Variants in SLFN12L observed in about 807,000 individuals in gnomAD.
SLFN12L encodes the protein schlafen family member 12-like.
In SLFN12L, 34 loss-of-function variants were observed where a neutral mutation model predicts 34.8. The ratio of observed to expected loss-of-function variants is 0.98; its 90% CI spans 0.74 to 1.30. The LOEUF (loss-of-function observed/expected upper bound fraction) is 1.30. Ranked by LOEUF, SLFN12L falls within the 50% of genes most tolerant of loss-of-function variation. SLFN12L has a pLI of 0.00. For synonymous variants in SLFN12L, 259 were observed against 247.5 expected (o/e 1.05, Z -0.44); for missense variants, 703 against 696.2 (o/e 1.01, Z -0.11).
Position 35,535,636 on chromosome 17 carries a change from G to A in SLFN12L, c.-606+1937C>T, listed in dbSNP as rs375930142. ...CAAGTAGCTGGGACTACAGGTGTAC[G>A]CCACCATGCCTGGCTAGCTTTTTTT... On this transcript the variant is annotated intron_variant, in intron 1 of 4. Coordinates refer to ENST00000628453, the MANE Select transcript of SLFN12L (RefSeq NM_001363830.2). 2.3e-4 allele frequency among the ~76,000 whole-genome samples: 35 copies of A among 151,870 alleles called. No individual in the cohort carries two copies. In the East Asian group the frequency reaches 5.6e-3, roughly 24 times the overall value.
intron 2 of SLFN12L, 68 bp downstream of exon 2, chr17:35,522,211 G>A (rs1402610391): frequency 1.2e-5 from 19 of 1,586,746 alleles, no homozygotes; most frequent in Non-Finnish European, 1.3e-5. Context: ...CAAGGGACAA[G>A]GTGACTTAGC....
chr17:35,520,912 T>C (rs1380990975), intron 2 of SLFN12L, among the ~76,000 whole-genome samples: 1 of 152,168 alleles, frequency 6.6e-6, no homozygotes, highest in Admixed American at 6.5e-5. Flanking sequence ...CAAATCCCTG[T>C]TCCATCCTCC....
At position 35,498,708 on chromosome 17, in the gene SLFN12L, G is replaced by A. The variant is rs1050462403; in HGVS notation, c.87-18513C>T. 3 of 1,548,696 alleles carry A rather than the reference G, an allele frequency of 1.9e-6. No homozygotes were observed. The African/African-American group carries it at 4.1e-5, about 21-fold the overall frequency. On this transcript the variant is annotated intron_variant, in intron 2 of 4. Transcript: ENST00000628453. ...AGCATTCCTAGATAACAATTACGTGGTCCATCTCCAAGAAGACAGCTACAA... is the reference window on the plus strand; with the variant it reads ...AGCATTCCTAGATAACAATTACGTGATCCATCTCCAAGAAGACAGCTACAA...
At chr17:35,502,416 G>GAAAAAAAAAAAAA (rs1161388791) in intron 2 of SLFN12L, among the ~76,000 whole-genome samples, 1 of 25,250 alleles carries the variant, frequency 4.0e-5, no homozygotes, top group Non-Finnish European at 8.9e-5. Context: ...GTATCCTAAG[G>GAAAAAAAAAAAAA]AAAAAAAAAA....
intron 4 of SLFN12L, 119 bp from the exon 5 acceptor site, chr17:35,475,604 A>G: frequency 7.0e-7 from 1 of 1,421,164 alleles, no homozygotes; most frequent in African/African-American, 1.4e-5. Context: ...AAAGCTATGT[A>G]AAAGTGTATC....
chr17:35,536,025 T>C (rs2072458935), intron 1 of SLFN12L, among the ~76,000 whole-genome samples: 1 of 151,730 alleles, frequency 6.6e-6, no homozygotes, highest in African/African-American at 2.4e-5. Context: ...TGCTATGTTA[T>C]CCAGGCTGTT....
At position 35,523,492 on chromosome 17, in the gene SLFN12L, G is replaced by A. The variant is rs140640099; in HGVS notation, c.-605-523C>T. ...AATTTTCTTCAGTCCTCAACTAGGA[G>A]ACCCTTGAAGCTATCTCTCCTGAAG... On this transcript the variant is annotated intron_variant, in intron 1 of 4. Transcript: ENST00000628453. Among the ~76,000 whole-genome samples, 774 of 152,240 alleles carry A rather than the reference G, an allele frequency of 5.1e-3. 7 individuals are homozygous for A. Among genetic ancestry groups the A allele is most frequent in the African/African-American group, 0.017 (711 of 41,546 alleles).
Position 35,475,458 on chromosome 17 carries a change from G to C in SLFN12L, c.1304C>G (p.Pro435Arg). 1 of 1,610,176 alleles carries C rather than the reference G, an allele frequency of 6.2e-7. No individual in the cohort carries two copies. Among genetic ancestry groups the C allele is most frequent in the Non-Finnish European group, 8.5e-7 (1 of 1,178,602 alleles). Residue 435 changes from proline (P) to arginine (R), a missense_variant, in exon 5 of 5, where the codon CCA becomes CGA. Transcript: ENST00000628453. ...GAACAGATTTCTGCAGAAGGTTTTT[G>C]GAGCACAAGTTATCTTTTCTGATAG... ...PGLSEKITCA[P>R]KTFCRNLFSQ...
At chr17:35,536,103 G>A (rs2072459502) in intron 1 of SLFN12L, among the ~76,000 whole-genome samples, 1 of 152,172 alleles carries the variant, frequency 6.6e-6, no homozygotes, top group South Asian at 2.1e-4. Flanking sequence ...ACAGGCATGA[G>A]CAACCACATC....
rs1207431800 is a variant in SLFN12L, at chr17:35,479,856, AC to A, written c.425del (p.Gly142ValfsTer8). Reference sequence around the variant, plus strand: ...ATTTCACAAAAATGTGAAAGTAGTTACCATTCTGCATGAAGTCCAGGAAATT... The same window carrying A: ...ATTTCACAAAAATGTGAAAGTAGTTACATTCTGCATGAAGTCCAGGAAATT... ...VPNFLDFMQN[G>X]NYFHIFVKSW... On this transcript the variant is annotated frameshift_variant, in exon 3 of 5. Coordinates refer to ENST00000628453, the MANE Select transcript of SLFN12L (RefSeq NM_001363830.2). LOFTEE classifies it high-confidence loss of function. The A allele has an allele frequency of 6.2e-7, 1 of 1,607,136 alleles. No homozygotes were observed. Among genetic ancestry groups the A allele is most frequent in the Non-Finnish European group, 8.5e-7 (1 of 1,176,054 alleles).
rs186004217 is a variant in SLFN12L at position 35,492,719 on chromosome 17, G to C, written c.87-12524C>G. On this transcript the variant is annotated intron_variant, in intron 2 of 4. Transcript: ENST00000628453. ...TTTGTGTCAGCTGCAAATCCTACCA[G>C]TTATGTCCAAGAATGGCTTTCCCTC... 2.5e-4 allele frequency among the ~76,000 whole-genome samples: 38 copies of C among 152,294 alleles called. 1 individual carries two copies. Among genetic ancestry groups the C allele is most frequent in the Admixed American group, 2.2e-3 (34 of 15,308 alleles).
chr17:35,483,379 C>A (rs1016875469), intron 2 of SLFN12L, among the ~76,000 whole-genome samples: 3 of 152,282 alleles, frequency 2.0e-5, no homozygotes, highest in Middle Eastern at 3.4e-3. Flanking sequence ...AAAGGTGCCG[C>A]CAGCCACAGA....
intron 2 of SLFN12L, among the ~76,000 whole-genome samples, chr17:35,509,356 A>G (rs947088453): frequency 2.6e-5 from 4 of 152,232 alleles, no homozygotes; most frequent in Admixed American, 2.6e-4. Flanking sequence ...ACCATTGTTC[A>G]TATTGAAAGT....
intron 2 of SLFN12L, among the ~76,000 whole-genome samples, chr17:35,485,584 T>C (rs1216660269): frequency 1.3e-5 from 2 of 152,230 alleles, no homozygotes; most frequent in Non-Finnish European, 2.9e-5. Context: ...TAATAATTTA[T>C]TTGCCCAGGG....
At chr17:35,487,646 G>A (rs966823527) in intron 2 of SLFN12L, 87 of 1,427,818 alleles carry the variant, frequency 6.1e-5, no homozygotes, top group Non-Finnish European at 7.7e-5. Flanking sequence ...GAGGGATCAC[G>A]GAGAAGTTCT....
In SLFN12L at chr17:35,475,441, T is replaced by A. The variant is rs753782124; in HGVS notation, c.1321A>T (p.Asn441Tyr). 6.2e-7 allele frequency: 1 copy of A among 1,613,174 alleles called. No homozygotes were observed. The highest frequency in any genetic ancestry group is 8.5e-7 in the Non-Finnish European group (1 of 1,179,708). Residue 441 changes from asparagine to tyrosine, a missense_variant, in exon 5 of 5, where the codon AAT becomes TAT. Transcript: ENST00000628453. ...ITCAPKTFCR[N>Y]LFSQHEGLKQ... ...AGTCCTTCATGTTGTGAGAACAGAT[T>A]TCTGCAGAAGGTTTTTGGAGCACAA...
chr17:35,530,423 AAGGAAG>A (rs2072386489), intron 1 of SLFN12L, among the ~76,000 whole-genome samples: 1 of 16,750 alleles, frequency 6.0e-5, no homozygotes, highest in African/African-American at 1.8e-4. Flanking sequence ...GGAAGGAAGG[AAGGAAG>A]GGAAGGGAAG....
At position 35,479,911 on chromosome 17, in the gene SLFN12L, G is replaced by C. The variant is rs555535892; in HGVS notation, c.371C>G (p.Ser124Cys). ...AACAAATGGCAGCATGTTACTAAAAGAATTTTCCAAATCTAGCCCTATTCC... is the reference window on the plus strand; with the variant it reads ...AACAAATGGCAGCATGTTACTAAAACAATTTTCCAAATCTAGCCCTATTCC... ...KDGIGLDLEN[S>C]FSNMLPFVPN... Residue 124 changes from serine (S) to cysteine (C), a missense_variant, in exon 3 of 5, where the codon TCT becomes TGT. Coordinates refer to ENST00000628453, the MANE Select transcript of SLFN12L (RefSeq NM_001363830.2). 5.6e-6 allele frequency: 9 copies of C among 1,613,542 alleles called. No individual in the cohort carries two copies. In the African/African-American group the frequency reaches 1.1e-4, roughly 19 times the overall value.
chr17:35,482,203 C>A (rs1341919386), intron 2 of SLFN12L, among the ~76,000 whole-genome samples: 1 of 152,226 alleles, frequency 6.6e-6, no homozygotes, highest in Non-Finnish European at 1.5e-5. Flanking sequence ...CTGTGCTCTA[C>A]CTTGAATGTT....
Sources: gnomAD v4.1 joint callset for allele counts (sites outside exome capture counted in the v4.1 genomes callset) on GRCh38, gnomAD v4.1.1 for gene constraint, MANE v1.5 for transcripts, NCBI Gene and HGNC (gene_info 2026-07-23, HGNC 2026-07-21) for gene names.